XPO7: variants seen among roughly 807,000 people sequenced by gnomAD.
XPO7 encodes exportin-7.
In XPO7, 21 loss-of-function variants were observed where a neutral mutation model predicts 144.3. The ratio of observed to expected loss-of-function variants is 0.15; its 90% CI spans 0.10 to 0.21. XPO7 has a LOEUF of 0.21. Ranked by LOEUF, XPO7 falls within the 10% of genes least tolerant of loss-of-function variation. The pLI is 1.00. For synonymous variants in XPO7, 580 were observed against 499.6 expected, an observed-to-expected ratio of 1.16 and a Z score of -2.15; for missense variants, 808 against 1,325.8, an observed-to-expected ratio of 0.61 and a Z score of 6.06.
At position 21,924,447 on chromosome 8, in the gene XPO7, T is replaced by TCC. The variant is rs551761845; in HGVS notation, c.18+4667_18+4668dup. Reference sequence around the variant, plus strand: ...TCTCAACAGCTACCTGTAGCCCCCCTCCCCCCCCCACCCCACTAACTACTA... The same window carrying TCC: ...TCTCAACAGCTACCTGTAGCCCCCCTCCCCCCCCCCCACCCCACTAACTACTA... On this transcript the variant is annotated intron_variant, in intron 1 of 27. Coordinates refer to ENST00000252512, the MANE Select transcript of XPO7 (RefSeq NM_015024.5). Among the ~76,000 whole-genome samples, 806 of 131,988 alleles carry TCC rather than the reference T, an allele frequency of 6.1e-3. 7 individuals carry two copies. The highest frequency in any genetic ancestry group is 0.021 in the African/African-American group (763 of 36,086). The allele number at this position is 131,988 out of a possible 152,430, so 86.6% of individuals were successfully genotyped here.
intron 19 of XPO7, 138 bp from the exon 20 acceptor site, chr8:21,994,225 T>C (rs969332943): frequency 4.4e-5 from 25 of 564,666 alleles, no homozygotes; most frequent in Middle Eastern, 4.5e-4. Context: ...ATAGAAGATA[T>C]TGAATCCGAA....
At chr8:22,004,071 C>G in intron 27 of XPO7, 41 bp downstream of exon 27, 1 of 1,608,480 alleles carries the variant, frequency 6.2e-7, no homozygotes, top group South Asian at 1.1e-5. Context: ...CAGACAATTG[C>G]TATTTTTCAA....
intron 1 of XPO7, among the ~76,000 whole-genome samples, chr8:21,923,936 T>C (rs1810375901): frequency 6.6e-6 from 1 of 152,214 alleles, no homozygotes; most frequent in African/African-American, 2.4e-5. Context: ...TGAAACTGCA[T>C]CTTTTTAAAA....
intron 4 of XPO7, among the ~76,000 whole-genome samples, chr8:21,970,894 A>G (rs1812035494): frequency 6.6e-6 from 1 of 152,186 alleles, no homozygotes; most frequent in African/African-American, 2.4e-5. Flanking sequence ...CTAAGTGTAC[A>G]TATTTATAAA....
At chr8:21,987,735 T>C (rs1444597582) in intron 14 of XPO7, 49 bp from the exon 15 acceptor site, 2 of 1,597,270 alleles carry the variant, frequency 1.3e-6, no homozygotes, top group South Asian at 1.1e-5. Flanking sequence ...TACCAGGATG[T>C]GATTGTTGTA....
At chr8:21,969,990 T>C in intron 3 of XPO7, 154 bp from the exon 4 acceptor site, 2 of 856,158 alleles carry the variant, frequency 2.3e-6, no homozygotes, top group Non-Finnish European at 3.5e-6. Flanking sequence ...TAAAGTCCCA[T>C]TTGGAACAGT....
chr8:21,991,405 G>A lies in XPO7; in HGVS notation c.2042-463G>A, dbSNP rs185096737. Among the ~76,000 whole-genome samples the A allele has an allele frequency of 1.8e-3, 268 of 152,240 alleles. 1 individual carries two copies. Among genetic ancestry groups the A allele is most frequent in the African/African-American group, 6.2e-3 (256 of 41,534 alleles). ...CTCAGTGGTATTACTCTAATTTCGAGCTGTTTAAATTTAATCCTACTAAAA... is the reference window on the plus strand; with the variant it reads ...CTCAGTGGTATTACTCTAATTTCGAACTGTTTAAATTTAATCCTACTAAAA... On this transcript the variant is annotated intron_variant, in intron 18 of 27. Coordinates refer to ENST00000252512, the MANE Select transcript of XPO7 (RefSeq NM_015024.5).
At position 21,982,773 on chromosome 8, in the gene XPO7, A is replaced by G; in HGVS notation, c.1238A>G (p.Tyr413Cys). 2 of 1,613,512 alleles carry G rather than the reference A, an allele frequency of 1.2e-6. No homozygotes were observed. The highest frequency in any genetic ancestry group is 1.7e-6 in the Non-Finnish European group (2 of 1,179,734). Residue 413 changes from tyrosine (Y) to cysteine (C), a missense_variant, in exon 11 of 28, where the codon TAC becomes TGC. Transcript: ENST00000252512. ...TACACTCCTGAGGTCACCAAAGCCT[A>G]CATCACATCCCGGTTGGAATCTGTG... Reference protein sequence around the residue: ...ETYTPEVTKAYITSRLESVHI... With the variant: ...ETYTPEVTKACITSRLESVHI...
At chr8:21,966,442 G>T in intron 1 of XPO7, 1 of 628,348 alleles carries the variant, frequency 1.6e-6, no homozygotes, top group Non-Finnish European at 2.9e-6. Context: ...GAAAATGTGT[G>T]TGGTACTTAT....
Position 22,005,035 on chromosome 8 carries a change from G to C in XPO7, c.3211G>C (p.Asp1071His). The C allele has an allele frequency of 6.2e-7, 1 of 1,611,002 alleles. No individual in the cohort carries two copies. Among genetic ancestry groups the C allele is most frequent in the Non-Finnish European group, 8.5e-7 (1 of 1,179,032 alleles). ...GTCAGCATTCCGTCGAGAAGTCAAC[G>C]ACTCAATGAAGAATTCCACTTATGG... is the stretch of plus-strand genomic sequence containing the variant. ...NLSAFRREVN[D>H]SMKNSTYGVN... The change falls in exon 28 of 28, where the codon GAC becomes CAC. Residue 1071 changes from aspartate (D) to histidine (H), a missense_variant. By Grantham distance (81) the Asp-to-His change is moderately conservative. Around this residue, in one of 5 missense-constraint regions of XPO7, gnomAD observed 140 missense variants for 237.9 expected, o/e 0.59. Coordinates refer to ENST00000252512, the MANE Select transcript of XPO7 (RefSeq NM_015024.5).
chr8:21,990,681 A>C (rs1315328886), intron 17 of XPO7, 130 bp from the exon 18 acceptor site: 1 of 973,238 alleles, frequency 1.0e-6, no homozygotes, highest in Non-Finnish European at 1.5e-6. Context: ...AAAAAAAAAA[A>C]CCTTCAGATC....
At chr8:21,980,042 A>G (rs372762756) in intron 8 of XPO7, 42 bp from the exon 9 acceptor site, 308 of 1,520,500 alleles carry the variant, frequency 2.0e-4, no homozygotes, top group Non-Finnish European at 2.3e-4. Flanking sequence ...GTAACTGTAC[A>G]GTCTTTTTAA....
At chr8:21,992,071 C>T in intron 19 of XPO7, 97 bp downstream of exon 19, 1 of 845,346 alleles carries the variant, frequency 1.2e-6, no homozygotes, top group African/African-American at 1.7e-5. Flanking sequence ...ACTGCCATAG[C>T]TTTTTTTAAT....
At chr8:22,004,176 A>C in intron 27 of XPO7, 146 bp downstream of exon 27, 1 of 958,662 alleles carries the variant, frequency 1.0e-6, no homozygotes, top group Non-Finnish European at 1.5e-6. Context: ...AGCCATGTTA[A>C]ACAGGCAAAA....
At chr8:21,994,583 C>A in intron 20 of XPO7, 132 bp downstream of exon 20, 2 of 771,516 alleles carry the variant, frequency 2.6e-6, no homozygotes, top group African/African-American at 1.7e-5. Flanking sequence ...AGCCAGAAGG[C>A]CTGCATGTGT....
Position 21,943,538 on chromosome 8 carries a change from A to T in XPO7, c.19-23319A>T, listed in dbSNP as rs188052616. Reference sequence around the variant, plus strand: ...AGAAATTTAGATTTAAGGATATAAAACCAGATTTTGATAGTATTAAAGGGT... The same window carrying T: ...AGAAATTTAGATTTAAGGATATAAATCCAGATTTTGATAGTATTAAAGGGT... On this transcript the variant is annotated intron_variant, in intron 1 of 27. Coordinates refer to ENST00000252512, the MANE Select transcript of XPO7 (RefSeq NM_015024.5). Among the ~76,000 whole-genome samples, 371 of 152,346 alleles carry T rather than the reference A, an allele frequency of 2.4e-3. 5 individuals carry two copies. The highest frequency in any genetic ancestry group is 0.01 in the Middle Eastern group (3 of 294).
At chr8:21,930,619 T>C (rs765620943) in intron 1 of XPO7, among the ~76,000 whole-genome samples, 59 of 152,150 alleles carry the variant, frequency 3.9e-4, no homozygotes, top group Non-Finnish European at 6.3e-4. Flanking sequence ...AAAGCAAATA[T>C]GGCTTCTGTG....
intron 1 of XPO7, among the ~76,000 whole-genome samples, chr8:21,945,279 C>T (rs1811153084): frequency 6.6e-6 from 1 of 152,220 alleles, no homozygotes; most frequent in East Asian, 1.9e-4. Flanking sequence ...AAGGAATTAT[C>T]CTTTAATCTG....
chr8:21,991,022 T>TC, intron 18 of XPO7, 103 bp downstream of exon 18: 4 of 1,028,846 alleles, frequency 3.9e-6, no homozygotes, highest in Non-Finnish European at 6.0e-6. Flanking sequence ...TTCTGTTTTT[T>TC]CAACAGTAAC....
Sources: gnomAD v4.1 joint callset for allele counts (sites outside exome capture counted in the v4.1 genomes callset) on GRCh38, gnomAD v4.1.1 for gene constraint, gnomAD v4.1.1 regional missense constraint, MANE v1.5 for transcripts, NCBI Gene and HGNC (gene_info 2026-07-23, HGNC 2026-07-21) for gene names.